The following RORA variants were observed in gnomAD, a reference collection of about 807,000 sequenced individuals.
RORA encodes the protein RAR related orphan receptor A.
RORA carries 7 observed loss-of-function variants against 69.5 expected under a neutral mutation model. The ratio of observed to expected loss-of-function variants is 0.10; its 90% CI spans 0.06 to 0.19. The LOEUF (loss-of-function observed/expected upper bound fraction) is 0.19, where lower values mean the gene tolerates loss of function less well. Ranked by LOEUF, RORA falls within the 10% of genes least tolerant of loss-of-function variation. The pLI is 1.00. For missense variants in RORA, 457 were observed against 663.0 expected (o/e 0.69, Z 3.41); for synonymous variants, 261 against 240.8 (o/e 1.08, Z -0.78).
At chr15:60,780,414 A>C (rs1239648628) in intron 1 of RORA, among the ~76,000 whole-genome samples, 2 of 152,236 alleles carry the variant, frequency 1.3e-5, no homozygotes, top group South Asian at 4.1e-4. Context: ...TGTAAGATAC[A>C]TGACCTGTCA....
intron 1 of RORA, among the ~76,000 whole-genome samples, chr15:60,778,339 C>T (rs1489387080): frequency 6.6e-6 from 1 of 151,550 alleles, no homozygotes; most frequent in African/African-American, 2.4e-5. Flanking sequence ...CCTTTCTTTC[C>T]CTGTTCTAAC....
chr15:60,788,737 C>T (rs1013641006), intron 1 of RORA, among the ~76,000 whole-genome samples: 3 of 152,134 alleles, frequency 2.0e-5, no homozygotes, highest in Non-Finnish European at 4.4e-5. Context: ...TGGCCTCAGC[C>T]CAGGTACCTC....
At chr15:60,711,678 A>C (rs963777706) in intron 1 of RORA, among the ~76,000 whole-genome samples, 1 of 152,140 alleles carries the variant, frequency 6.6e-6, no homozygotes, top group African/African-American at 2.4e-5. Flanking sequence ...TCTATCCTTC[A>C]GTTTTCTAAC....
chr15:60,603,720 G>T (rs2068873163), intron 2 of RORA, among the ~76,000 whole-genome samples: 2 of 152,192 alleles, frequency 1.3e-5, no homozygotes, highest in African/African-American at 2.4e-5. Flanking sequence ...GACAGCTTAT[G>T]TAACACATTG....
intron 1 of RORA, among the ~76,000 whole-genome samples, chr15:60,746,119 G>A (rs889830622): frequency 6.6e-5 from 10 of 152,100 alleles, no homozygotes; most frequent in Admixed American, 1.3e-4. Flanking sequence ...CTAAGCCTTC[G>A]TGGATTTATA....
chr15:60,990,459 G>A (rs1325854978), intron 1 of RORA, among the ~76,000 whole-genome samples: 2 of 152,148 alleles, frequency 1.3e-5, no homozygotes, highest in African/African-American at 4.8e-5. Context: ...AAAGTAAAAT[G>A]TAATCAGAAA....
At chr15:60,850,295 C>A (rs2073310561) in intron 1 of RORA, among the ~76,000 whole-genome samples, 1 of 152,162 alleles carries the variant, frequency 6.6e-6, no homozygotes, top group Non-Finnish European at 1.5e-5. Flanking sequence ...AAGTATACCT[C>A]CCTGAAATTC....
intron 1 of RORA, among the ~76,000 whole-genome samples, chr15:60,733,950 G>GAGAA (rs2071465129): frequency 6.7e-6 from 1 of 149,354 alleles, no homozygotes; most frequent in East Asian, 2.0e-4. Context: ...GAGAGAGAGA[G>GAGAA]AGAGAAAGAG....
intron 1 of RORA, among the ~76,000 whole-genome samples, chr15:60,711,411 CA>C (rs2071142374): frequency 1.3e-5 from 2 of 152,102 alleles, no homozygotes; most frequent in Admixed American, 1.3e-4. Flanking sequence ...GAATAAATAT[CA>C]AAAAGTTGCC....
chr15:60,710,413 G>A (rs1269939983), intron 1 of RORA, among the ~76,000 whole-genome samples: 3 of 152,130 alleles, frequency 2.0e-5, no homozygotes, highest in African/African-American at 4.8e-5. Flanking sequence ...GCTTGAACCC[G>A]AGAGGCGGAG....
At chr15:61,027,721 C>T (rs933993266) in intron 1 of RORA, among the ~76,000 whole-genome samples, 1 of 152,076 alleles carries the variant, frequency 6.6e-6, no homozygotes, top group Non-Finnish European at 1.5e-5. Context: ...CTAGATCTGC[C>T]AAAATGGATA....
At chr15:61,055,523 G>A (rs1239189280) in intron 1 of RORA, among the ~76,000 whole-genome samples, 2 of 152,190 alleles carry the variant, frequency 1.3e-5, no homozygotes, top group African/African-American at 2.4e-5. Context: ...TTGCAGGTGT[G>A]TCAGGTTCTT....
chr15:61,189,193 T>C lies in RORA; in HGVS notation c.166+39860A>G, dbSNP rs148904445. ...CTTAGTGTTTAACACAGTCCTTAAA[T>C]GTCCCTTGAATAAACGCATTTTTAC... is the stretch of plus-strand genomic sequence containing the variant. On this transcript the variant is annotated intron_variant, in intron 1 of 10. Transcript: ENST00000335670. 3.1e-3 allele frequency among the ~76,000 whole-genome samples: 469 copies of C among 152,360 alleles called. 6 individuals carry two copies. The highest frequency in any genetic ancestry group is 0.03 in the South Asian group (143 of 4,830).
chr15:60,689,067 G>A (rs955628667), intron 1 of RORA, among the ~76,000 whole-genome samples: 13 of 152,186 alleles, frequency 8.5e-5, no homozygotes, highest in African/African-American at 3.1e-4. Flanking sequence ...GAAAGACCCA[G>A]GTTGCAAGCC....
intron 1 of RORA, among the ~76,000 whole-genome samples, chr15:60,817,504 T>A (rs1053384242): frequency 1.3e-5 from 2 of 152,246 alleles, no homozygotes; most frequent in South Asian, 4.1e-4. Flanking sequence ...AATACATTAC[T>A]ATTAACTATA....
chr15:60,835,044 G>C (rs2073098161), intron 1 of RORA, among the ~76,000 whole-genome samples: 1 of 152,162 alleles, frequency 6.6e-6, no homozygotes, highest in African/African-American at 2.4e-5. Flanking sequence ...CTTAAACACA[G>C]AACGTGGACT....
chr15:61,151,785 G>A (rs1183219374), intron 1 of RORA, among the ~76,000 whole-genome samples: 1 of 152,176 alleles, frequency 6.6e-6, no homozygotes, highest in Admixed American at 6.5e-5. Flanking sequence ...AAATTCAGCA[G>A]CTATTTATTA....
chr15:61,136,774 A>G (rs2079244080), intron 1 of RORA, among the ~76,000 whole-genome samples: 5 of 152,152 alleles, frequency 3.3e-5, no homozygotes, highest in Admixed American at 3.3e-4. Context: ...ACGGCAAAGC[A>G]TTTGAAACTT....
intron 1 of RORA, among the ~76,000 whole-genome samples, chr15:61,222,688 G>C (rs146671641): frequency 6.6e-6 from 1 of 152,158 alleles, no homozygotes; most frequent in South Asian, 2.1e-4. Context: ...AGTCAAGTGG[G>C]ACATCCCTGA....
Sources: allele counts gnomAD v4.1 joint callset (sites outside exome capture counted in the v4.1 genomes callset), GRCh38; gene constraint gnomAD v4.1.1; transcripts MANE v1.5; gene names NCBI Gene and HGNC (gene_info 2026-07-23, HGNC 2026-07-21).